PDK1: variants seen among roughly 807,000 people sequenced by gnomAD.
PDK1 encodes pyruvate dehydrogenase kinase 1.
A neutral mutation model predicts 54.2 loss-of-function variants in PDK1; 39 were observed. The ratio of observed to expected loss-of-function variants is 0.72; its 90% CI spans 0.56 to 0.94. The LOEUF (loss-of-function observed/expected upper bound fraction) is 0.94. Ranked by LOEUF, PDK1 falls within the 40% of genes least tolerant of loss-of-function variation. The pLI is 0.00. For missense variants in PDK1, 552 were observed against 566.0 expected (o/e 0.98, Z 0.25); for synonymous variants, 221 against 207.1 (o/e 1.07, Z -0.58).
At chr2:172,659,145 T>C in the PDK1 span, among the ~76,000 whole-genome samples, 1 of 152,284 alleles carries the variant, frequency 6.6e-6, no homozygotes, top group African/African-American at 2.4e-5. Flanking sequence ...CTATGTGACG[T>C]CACCCCTTAG....
At chr2:172,651,010 A>G in the PDK1 span, among the ~76,000 whole-genome samples, 1 of 152,234 alleles carries the variant, frequency 6.6e-6, no homozygotes, top group Non-Finnish European at 1.5e-5. Context: ...TCTCCACCCC[A>G]AATCAACAGA....
the PDK1 span, among the ~76,000 whole-genome samples, chr2:172,650,602 A>G: frequency 1.3e-5 from 2 of 152,180 alleles, no homozygotes; most frequent in African/African-American, 2.4e-5. Context: ...GTGCAGAGAC[A>G]CACATAGGCT....
chr2:172,586,177 C>G, intron 8 of PDK1, 101 bp from the exon 9 acceptor site: 2 of 542,156 alleles, frequency 3.7e-6, no homozygotes, highest in Non-Finnish European at 6.5e-6. Flanking sequence ...AAAAAAAAAG[C>G]GCTCTCCCAC....
the PDK1 span, among the ~76,000 whole-genome samples, chr2:172,644,194 G>A: frequency 1.6e-3 from 251 of 152,326 alleles, no homozygotes; most frequent in African/African-American, 5.8e-3. Flanking sequence ...GACAGGACAG[G>A]GAGAGAGACT....
At chr2:172,709,675 G>A in the PDK1 span, among the ~76,000 whole-genome samples, 1 of 152,152 alleles carries the variant, frequency 6.6e-6, no homozygotes, top group African/African-American at 2.4e-5. Context: ...CAGTTACCAT[G>A]GCATACTAAC....
the PDK1 span, among the ~76,000 whole-genome samples, chr2:172,713,236 A>G: frequency 6.6e-6 from 1 of 152,196 alleles, no homozygotes; most frequent in Admixed American, 6.5e-5. Context: ...TATGGGCTTC[A>G]GAGAGGAGGA....
chr2:172,609,688 A>G (rs947543888), downstream of PDK1, among the ~76,000 whole-genome samples: 5 of 152,340 alleles, frequency 3.3e-5, no homozygotes, highest in South Asian at 2.1e-4. Flanking sequence ...ATTAGAACGC[A>G]TGATTATCCT....
At chr2:172,585,199 C>G (rs750715646) in intron 8 of PDK1, among the ~76,000 whole-genome samples, 4 of 151,408 alleles carry the variant, frequency 2.6e-5, no homozygotes. Flanking sequence ...GGGTCTTACT[C>G]TGTTGTGCAG....
the PDK1 span, among the ~76,000 whole-genome samples, chr2:172,642,735 G>T: frequency 1.3e-5 from 2 of 152,120 alleles, no homozygotes; most frequent in Non-Finnish European, 2.9e-5. Context: ...GGCACTTTGT[G>T]CCAAGGTACT....
the PDK1 span, among the ~76,000 whole-genome samples, chr2:172,622,539 A>T: frequency 2.1e-5 from 3 of 140,902 alleles, no homozygotes; most frequent in East Asian, 2.2e-4. Flanking sequence ...ATTATGTGAG[A>T]TATGTTTATA....
In PDK1 at chr2:172,596,176, T is replaced by C. The variant is rs1164473372; in HGVS notation, c.*207T>C. ...CTATTTTACACTTATATTTTCACAG[T>C]TAATTGAACATATTTTTAAACAACT... On this transcript the variant is annotated 3_prime_UTR_variant, in exon 11 of 11. Coordinates refer to ENST00000282077, the MANE Select transcript of PDK1 (RefSeq NM_002610.5). 2 of 406,966 alleles carry C rather than the reference T, an allele frequency of 4.9e-6. No individual in the cohort carries two copies. The highest frequency in any genetic ancestry group is 8.8e-6 in the Non-Finnish European group (2 of 227,970). The allele number at this position is 406,966 out of a possible 1,614,324, so 25.2% of individuals were successfully genotyped here. A position where few individuals can be genotyped will look rare whatever the true frequency, so the allele number is the denominator to read the frequency against.
At chr2:172,668,278 AT>A in the PDK1 span, among the ~76,000 whole-genome samples, 19,067 of 141,330 alleles carry the variant, frequency 0.13, 1,504 homozygotes, top group East Asian at 0.25. Flanking sequence ...TTCTTTCTTT[AT>A]TTTTTTTTTT....
chr2:172,571,314 C>T (rs1689245715), intron 8 of PDK1, among the ~76,000 whole-genome samples: 1 of 152,194 alleles, frequency 6.6e-6, no homozygotes, highest in Non-Finnish European at 1.5e-5. Flanking sequence ...GATATCCAGT[C>T]TTCTGTCCCC....
At chr2:172,678,059 A>T in the PDK1 span, among the ~76,000 whole-genome samples, 1 of 152,010 alleles carries the variant, frequency 6.6e-6, no homozygotes, top group African/African-American at 2.4e-5. Context: ...AATCCCAGCT[A>T]CTCAGGAGGC....
chr2:172,684,689 A>G, the PDK1 span, among the ~76,000 whole-genome samples: 171 of 152,278 alleles, frequency 1.1e-3, 1 homozygote, highest in African/African-American at 3.9e-3. Flanking sequence ...CAGCAAGGAC[A>G]TTATTATCTA....
chr2:172,643,544 T>TAA, the PDK1 span, among the ~76,000 whole-genome samples: 250 of 152,280 alleles, frequency 1.6e-3, no homozygotes, highest in African/African-American at 5.8e-3. Flanking sequence ...CATCCAGGCC[T>TAA]AAGCAGGCCT....
chr2:172,668,902 T>TAG, the PDK1 span, among the ~76,000 whole-genome samples: 3 of 89,716 alleles, frequency 3.3e-5, no homozygotes, highest in African/African-American at 1.3e-4. Context: ...CACATATATA[T>TAG]ATATAGAGAG....
chr2:172,711,334 C>T, the PDK1 span, among the ~76,000 whole-genome samples: 1 of 152,214 alleles, frequency 6.6e-6, no homozygotes, highest in African/African-American at 2.4e-5. Flanking sequence ...CACTCTGTCC[C>T]TACCTTCCAC....
At chr2:172,622,052 G>GTGAGATATGTTTATATCTCATATATTA in the PDK1 span, among the ~76,000 whole-genome samples, 1 of 146,856 alleles carries the variant, frequency 6.8e-6, no homozygotes, top group Non-Finnish European at 1.5e-5. Flanking sequence ...TCTCATATAT[G>GTGAGATATGTTTATATCTCATATATTA]TGAGATATGT....
Sources: allele counts gnomAD v4.1 joint callset (sites outside exome capture counted in the v4.1 genomes callset), GRCh38; gene constraint gnomAD v4.1.1; transcripts MANE v1.5; gene names NCBI Gene and HGNC (gene_info 2026-07-23, HGNC 2026-07-21).